The following SHMT1 variants were observed in gnomAD, a reference collection of about 807,000 sequenced individuals.
SHMT1 encodes the protein serine hydroxymethyltransferase, cytosolic.
Under a neutral mutation model 49.0 loss-of-function variants are expected in SHMT1, and 45 were observed. The observed-to-expected ratio is 0.92, with a 90% CI of 0.72 to 1.18. The LOEUF is 1.18. Among genes scored for constraint, SHMT1 ranks in the 50% most tolerant of loss-of-function variants. SHMT1 has a pLI of 0.00. For missense variants in SHMT1, 541 were observed against 612.4 expected (o/e 0.88, Z 1.23); for synonymous variants, 232 against 246.6 (o/e 0.94, Z 0.55).
intron 3 of SHMT1, among the ~76,000 whole-genome samples, chr17:18,349,581 T>C (rs1248521868): frequency 6.6e-6 from 1 of 151,754 alleles, no homozygotes; most frequent in East Asian, 1.9e-4. Context: ...GAGCTAAGTA[T>C]AGTGGCTTGC....
rs553883429 is a variant in SHMT1, at chr17:18,352,707, C to T, written c.242+965G>A. 1.8e-4 allele frequency among the ~76,000 whole-genome samples: 27 copies of T among 151,844 alleles called. No individual in the cohort carries two copies. In the South Asian group the frequency reaches 5.6e-3, roughly 32 times the overall value. ...TGGTGGTGTGTGCCTGTAGTCCCAG[C>T]GACTCAGTAGGCTGAGGTGGGAGGA... On this transcript the variant is annotated intron_variant, in intron 3 of 11. Transcript: ENST00000316694.
intron 7 of SHMT1, among the ~76,000 whole-genome samples, chr17:18,336,856 G>T (rs557034208): frequency 7.2e-5 from 11 of 152,102 alleles, no homozygotes; most frequent in Non-Finnish European, 1.5e-4. Flanking sequence ...TGAGGTAGGA[G>T]GATTGCTTGG....
chr17:18,343,353 A>G (rs1984725378), intron 5 of SHMT1, among the ~76,000 whole-genome samples: 1 of 152,106 alleles, frequency 6.6e-6, no homozygotes. Flanking sequence ...TCACATCTGT[A>G]ATCTCAGCAC....
chr17:18,342,167 T>C (rs150630808), intron 5 of SHMT1, among the ~76,000 whole-genome samples: 1 of 152,152 alleles, frequency 6.6e-6, no homozygotes, highest in East Asian at 1.9e-4. Flanking sequence ...AACAGATGAA[T>C]GGACAAAGGA....
chr17:18,330,054 C>A (rs1369914941), intron 10 of SHMT1, among the ~76,000 whole-genome samples: 2 of 151,926 alleles, frequency 1.3e-5, no homozygotes, highest in Non-Finnish European at 2.9e-5. Context: ...ACCGCGTTAG[C>A]CTTCTCAATC....
intron 1 of SHMT1, among the ~76,000 whole-genome samples, chr17:18,361,316 C>A (rs8072821): frequency 0.27 from 31,805 of 115,764 alleles, 4,465 homozygotes; most frequent in Non-Finnish European, 0.32. Flanking sequence ...AAAAAAAAAA[C>A]AAAAACAAAA....
intron 3 of SHMT1, among the ~76,000 whole-genome samples, chr17:18,350,740 T>G (rs886277908): frequency 2.0e-5 from 3 of 152,074 alleles, no homozygotes; most frequent in Non-Finnish European, 2.9e-5. Context: ...TGTTTTCTTT[T>G]TTTTTTTTCT....
Position 18,356,010 on chromosome 17 carries a change from T to C in SHMT1, c.-19-10A>G, listed in dbSNP as rs746974421. The C allele has an allele frequency of 4.4e-6, 6 of 1,355,614 alleles. No individual in the cohort carries two copies. The highest frequency in any genetic ancestry group is 2.4e-5 in the South Asian group (2 of 84,950). The allele number at this position is 1,355,614 out of a possible 1,614,324, so 84.0% of individuals were successfully genotyped here. Reference sequence around the variant, plus strand: ...ACTGGTTCGAAGCTGCCTAAAAAAATGGGAAAAACATGTGTAGCTTCCAGA... The same window carrying C: ...ACTGGTTCGAAGCTGCCTAAAAAAACGGGAAAAACATGTGTAGCTTCCAGA... On this transcript the variant is annotated splice_polypyrimidine_tract_variant and intron_variant, in intron 1 of 11. Transcript: ENST00000316694.
intron 3 of SHMT1, among the ~76,000 whole-genome samples, chr17:18,349,459 C>T (rs1985450724): frequency 6.6e-6 from 1 of 152,046 alleles, no homozygotes; most frequent in African/African-American, 2.4e-5. Context: ...TGGCTCATGT[C>T]TGTAATCTCA....
At chr17:18,356,485 G>A (rs549403265) in intron 1 of SHMT1, among the ~76,000 whole-genome samples, 103 of 152,152 alleles carry the variant, frequency 6.8e-4, no homozygotes, top group African/African-American at 2.3e-3. Flanking sequence ...ACAGGCGTGC[G>A]CCACTACGCC....
At chr17:18,356,941 C>G (rs1986291747) in intron 1 of SHMT1, among the ~76,000 whole-genome samples, 1 of 152,024 alleles carries the variant, frequency 6.6e-6, no homozygotes, top group South Asian at 2.1e-4. Context: ...GGACTGAGTG[C>G]TACTTTTTAA....
At chr17:18,334,250 C>T (rs1310629724) in intron 8 of SHMT1, among the ~76,000 whole-genome samples, 1 of 151,834 alleles carries the variant, frequency 6.6e-6, no homozygotes, top group Non-Finnish European at 1.5e-5. Context: ...CCACGCCTGG[C>T]TAATTTTTTA....
At chr17:18,341,647 G>GAAAAAAAAAAAAAA (rs34396945) in intron 5 of SHMT1, 1 of 41,898 alleles carries the variant, frequency 2.4e-5, no homozygotes, top group Admixed American at 3.1e-4. Context: ...GACTCCATCT[G>GAAAAAAAAAAAAAA]AAAAAAAAAA....
At chr17:18,342,433 A>G (rs1431208793) in intron 5 of SHMT1, among the ~76,000 whole-genome samples, 3 of 151,958 alleles carry the variant, frequency 2.0e-5, no homozygotes, top group Non-Finnish European at 4.4e-5. Flanking sequence ...TCTCCCACTC[A>G]GCCTGCTGAA....
chr17:18,361,063 T>C (rs563909278), intron 1 of SHMT1, among the ~76,000 whole-genome samples: 20 of 152,038 alleles, frequency 1.3e-4, no homozygotes, highest in South Asian at 6.2e-4. Context: ...CCAAGCACTT[T>C]GGGAGGCCAA....
At chr17:18,352,037 C>T (rs1028378758) in intron 3 of SHMT1, among the ~76,000 whole-genome samples, 2 of 151,678 alleles carry the variant, frequency 1.3e-5, no homozygotes, top group South Asian at 2.1e-4. Context: ...TTGGAGACAG[C>T]GTCTCACTAT....
At chr17:18,349,876 C>G (rs1345112866) in intron 3 of SHMT1, among the ~76,000 whole-genome samples, 1 of 151,532 alleles carries the variant, frequency 6.6e-6, no homozygotes, top group Admixed American at 6.6e-5. Context: ...CAAAATTAGC[C>G]AGGCGTGGTG....
chr17:18,346,360 C>T (rs1054826911), intron 5 of SHMT1, among the ~76,000 whole-genome samples: 1 of 152,218 alleles, frequency 6.6e-6, no homozygotes, highest in Non-Finnish European at 1.5e-5. Context: ...CTCTTCTTCC[C>T]ATTATCCTTC....
At chr17:18,352,261 A>C (rs6502650) in intron 3 of SHMT1, among the ~76,000 whole-genome samples, 108,038 of 150,788 alleles carry the variant, frequency 0.72, 39,359 homozygotes, top group African/African-American at 0.86. Context: ...ATTCTCCTGC[A>C]TCAGCCTCCC....
Sources: allele counts gnomAD v4.1 joint callset (sites outside exome capture counted in the v4.1 genomes callset), GRCh38; gene constraint gnomAD v4.1.1; transcripts MANE v1.5; gene names NCBI Gene and HGNC (gene_info 2026-07-23, HGNC 2026-07-21).